KIF2A: variants seen among roughly 807,000 people sequenced by gnomAD.
The protein encoded by KIF2A is kinesin family member 2A, also known as kinesin-like protein KIF2A.
KIF2A carries 22 observed loss-of-function variants against 100.2 expected under a neutral mutation model. The observed-to-expected ratio is 0.22, with a 90% confidence interval of 0.16 to 0.31. The LOEUF (loss-of-function observed/expected upper bound fraction) is 0.31, where lower values mean the gene tolerates loss of function less well. Ranked by LOEUF, KIF2A falls within the 10% of genes least tolerant of loss-of-function variation. The pLI is 1.00. For synonymous variants in KIF2A, 268 were observed against 285.9 expected, an observed-to-expected ratio of 0.94 and a Z score of 0.63; for missense variants, 495 against 898.7, an observed-to-expected ratio of 0.55 and a Z score of 5.74.
At chr5:62,313,064 T>C (rs1745632663) in intron 1 of KIF2A, among the ~76,000 whole-genome samples, 1 of 152,200 alleles carries the variant, frequency 6.6e-6, no homozygotes, top group Non-Finnish European at 1.5e-5. Context: ...CAGCCTGCTA[T>C]ATATCAGGCA....
chr5:62,380,994 T>G lies in KIF2A; in HGVS notation c.2014-124T>G, dbSNP rs2112006516. Reference sequence around the variant, plus strand: ...TTATACTGTCTGTGAATAAAGATGTTTTATGTCTATTGACATTTTAGAGAA... The same window carrying G: ...TTATACTGTCTGTGAATAAAGATGTGTTATGTCTATTGACATTTTAGAGAA... On this transcript the variant is annotated intron_variant, in intron 19 of 20. Transcript: ENST00000407818. 3.0e-5 allele frequency: 21 copies of G among 711,436 alleles called. No individual in the cohort carries two copies. In the South Asian group the frequency reaches 4.0e-4, roughly 14 times the overall value. 44.1% of individuals were successfully genotyped at this position (711,436 alleles called of 1,614,324 possible). A position where few individuals can be genotyped will look rare whatever the true frequency, so the allele number is the denominator to read the frequency against.
chr5:62,372,638 T>C (rs978904352), intron 17 of KIF2A, 87 bp downstream of exon 17: 10 of 757,522 alleles, frequency 1.3e-5, no homozygotes, highest in African/African-American at 5.4e-5. Flanking sequence ...GCTATTTTTG[T>C]CCTGAGCCAT....
intron 1 of KIF2A, among the ~76,000 whole-genome samples, chr5:62,318,969 C>T (rs75747805): frequency 6.6e-6 from 1 of 152,162 alleles, no homozygotes; most frequent in African/African-American, 2.4e-5. Flanking sequence ...TGGTTGTCTT[C>T]CTTGACTCCT....
chr5:62,374,693 G>T (rs2111988602), intron 18 of KIF2A, among the ~76,000 whole-genome samples: 1 of 152,234 alleles, frequency 6.6e-6, no homozygotes, highest in Non-Finnish European at 1.5e-5. Context: ...GTAATCCGAG[G>T]CCGAGGTGGG....
chr5:62,310,584 C>T (rs926983205), intron 1 of KIF2A, among the ~76,000 whole-genome samples: 4 of 150,912 alleles, frequency 2.7e-5, no homozygotes, highest in African/African-American at 9.9e-5. Flanking sequence ...TGGCCCTCTA[C>T]TTCCCGCTGG....
intron 20 of KIF2A, 79 bp downstream of exon 20, chr5:62,381,332 C>G: frequency 8.5e-7 from 1 of 1,173,950 alleles, no homozygotes. Context: ...CTTCGTATTG[C>G]AAGAGGACAT....
chr5:62,365,430 T>C, intron 15 of KIF2A, 77 bp downstream of exon 15: 1 of 719,406 alleles, frequency 1.4e-6, no homozygotes, highest in South Asian at 2.0e-5. Flanking sequence ...GGAAAATGTA[T>C]TTGTTAGTGA....
chr5:62,353,034 T>C (rs896468061), intron 5 of KIF2A: 1 of 422,484 alleles, frequency 2.4e-6, no homozygotes, highest in African/African-American at 2.1e-5. Flanking sequence ...TCTGTGTTTC[T>C]AAACCAAGAG....
At chr5:62,371,885 C>CTGAA (rs1741343077) in intron 16 of KIF2A, among the ~76,000 whole-genome samples, 1 of 152,210 alleles carries the variant, frequency 6.6e-6, no homozygotes, top group African/African-American at 2.4e-5. Flanking sequence ...AGTTCTTCAT[C>CTGAA]TGAATCACCA....
At chr5:62,341,218 T>A (rs562418135) in intron 1 of KIF2A, among the ~76,000 whole-genome samples, 3 of 152,308 alleles carry the variant, frequency 2.0e-5, no homozygotes, top group African/African-American at 7.2e-5. Flanking sequence ...ACTTGTGATT[T>A]AAGGCTTTCT....
chr5:62,362,926 A>G (rs1408132616), intron 12 of KIF2A, among the ~76,000 whole-genome samples: 1 of 152,150 alleles, frequency 6.6e-6, no homozygotes, highest in African/African-American at 2.4e-5. Flanking sequence ...TCCTGAGCTC[A>G]AGTGAGCTTC....
At chr5:62,310,706 A>G (rs1372559665) in intron 1 of KIF2A, among the ~76,000 whole-genome samples, 7 of 152,168 alleles carry the variant, frequency 4.6e-5, no homozygotes, top group Non-Finnish European at 1.0e-4. Flanking sequence ...TTGGACTGCT[A>G]AGATTATTCT....
chr5:62,347,280 A>G (rs1266487708), intron 2 of KIF2A, 56 bp downstream of exon 2: 33 of 900,526 alleles, frequency 3.7e-5, no homozygotes, highest in Non-Finnish European at 5.6e-5. Flanking sequence ...TTCTGAATAT[A>G]AAACAAAACA....
intron 16 of KIF2A, 89 bp from the exon 17 acceptor site, chr5:62,372,348 CA>C: frequency 2.9e-6 from 2 of 700,094 alleles, no homozygotes; most frequent in East Asian, 5.4e-5. Flanking sequence ...CTTTTCTAAA[CA>C]AAAGTGAATA....
chr5:62,321,813 C>G (rs529074405), intron 1 of KIF2A, among the ~76,000 whole-genome samples: 10 of 152,264 alleles, frequency 6.6e-5, no homozygotes, highest in African/African-American at 1.9e-4. Flanking sequence ...CCCACCTTGG[C>G]CTCCCAAAAT....
In KIF2A at chr5:62,306,421, C is replaced by G; in HGVS notation, c.-52C>G. ...CTACCCCGCCCCCTCCCCGCCTTTTCCGCCCTCCGGTCCCCCTCCCTCGGC... is the reference window on the plus strand; with the variant it reads ...CTACCCCGCCCCCTCCCCGCCTTTTGCGCCCTCCGGTCCCCCTCCCTCGGC... On this transcript the variant is annotated 5_prime_UTR_variant, in exon 1 of 21. Coordinates refer to ENST00000407818, the MANE Select transcript of KIF2A (RefSeq NM_001098511.3). 4 of 389,826 alleles carry G rather than the reference C, an allele frequency of 1.0e-5. No individual in the cohort carries two copies. Among genetic ancestry groups the G allele is most frequent in the Non-Finnish European group, 1.8e-5 (4 of 228,052 alleles). 24.1% of individuals were successfully genotyped at this position (389,826 alleles called of 1,614,324 possible). A position where few individuals can be genotyped will look rare whatever the true frequency, so the allele number is the denominator to read the frequency against.
chr5:62,306,848 G>GT, intron 1 of KIF2A: 1 of 326,976 alleles, frequency 3.1e-6, no homozygotes, highest in Non-Finnish European at 5.6e-6. Context: ...GCAATCTCCA[G>GT]CCCCCCCCCG....
chr5:62,367,046 C>T (rs184889241), intron 16 of KIF2A, among the ~76,000 whole-genome samples: 9 of 152,168 alleles, frequency 5.9e-5, no homozygotes, highest in South Asian at 2.1e-4. Context: ...TTCCATTTCA[C>T]TGTTTTATTT....
At chr5:62,376,880 T>C (rs1176187967) in intron 18 of KIF2A, among the ~76,000 whole-genome samples, 1 of 152,164 alleles carries the variant, frequency 6.6e-6, no homozygotes, top group Non-Finnish European at 1.5e-5. Context: ...GTTCCAGGAC[T>C]GCCTGAATAT....
Sources: gnomAD v4.1 joint callset for allele counts (sites outside exome capture counted in the v4.1 genomes callset) on GRCh38, gnomAD v4.1.1 for gene constraint, MANE v1.5 for transcripts, NCBI Gene and HGNC (gene_info 2026-07-23, HGNC 2026-07-21) for gene names.